Variants in PPP6R3 observed in about 807,000 individuals in gnomAD.
The protein encoded by PPP6R3 is protein phosphatase 6 regulatory subunit 3, also known as serine/threonine-protein phosphatase 6 regulatory subunit 3.
In PPP6R3, 38 loss-of-function variants were observed where a neutral mutation model predicts 110.7. The ratio of observed to expected loss-of-function variants is 0.34; its 90% CI spans 0.26 to 0.45. The LOEUF (loss-of-function observed/expected upper bound fraction) is 0.45, where lower values mean the gene tolerates loss of function less well. PPP6R3 is among the 20% of genes least tolerant of loss of function. PPP6R3 has a pLI of 1.00. For synonymous variants in PPP6R3, 369 were observed against 373.5 expected (o/e 0.99, Z 0.14); for missense variants, 870 against 1,062.4 (o/e 0.82, Z 2.52).
intron 1 of PPP6R3, among the ~76,000 whole-genome samples, chr11:68,470,052 G>C (rs1273863614): frequency 6.6e-6 from 1 of 152,160 alleles, no homozygotes; most frequent in African/African-American, 2.4e-5. Flanking sequence ...AGATGTTTGA[G>C]TACTTACCAT....
intron 1 of PPP6R3, among the ~76,000 whole-genome samples, chr11:68,493,768 A>G (rs1026707096): frequency 3.3e-5 from 5 of 151,662 alleles, no homozygotes; most frequent in African/African-American, 1.2e-4. Context: ...AGGTACTGTT[A>G]TTTTTATTAA....
In PPP6R3 at chr11:68,528,310, CCTT is replaced by C. The variant is rs542382852; in HGVS notation, c.-7+8663_-7+8665del. Among the ~76,000 whole-genome samples, 585 of 152,028 alleles carry C rather than the reference CCTT, an allele frequency of 3.8e-3. 4 individuals are homozygous for C. The highest frequency in any genetic ancestry group is 0.011 in the African/African-American group (458 of 41,448). On this transcript the variant is annotated intron_variant, in intron 2 of 23. Transcript: ENST00000393800. The stretch of plus-strand genomic sequence containing the variant: ...GGTAGAAAGCTGATTGCTTTTGACA[CCTT>C]CTTTGGAAGAAGCAGTTGCAGAGAT...
At chr11:68,527,816 C>A (rs912363896) in intron 2 of PPP6R3, among the ~76,000 whole-genome samples, 1 of 152,212 alleles carries the variant, frequency 6.6e-6, no homozygotes, top group Non-Finnish European at 1.5e-5. Context: ...AAGGCTCCTC[C>A]TTCCTGTTGT....
chr11:68,588,802 A>G (rs140008519), intron 16 of PPP6R3, among the ~76,000 whole-genome samples: 2 of 152,024 alleles, frequency 1.3e-5, no homozygotes, highest in East Asian at 3.9e-4. Context: ...GCATTCACCT[A>G]TAGGGTTTGA....
intron 19 of PPP6R3, among the ~76,000 whole-genome samples, chr11:68,597,200 C>T (rs2099616356): frequency 6.6e-6 from 1 of 152,116 alleles, no homozygotes; most frequent in Non-Finnish European, 1.5e-5. Flanking sequence ...ATGGGCAGTG[C>T]AGGGGAATGG....
At chr11:68,477,742 AT>A (rs1284612653) in intron 1 of PPP6R3, among the ~76,000 whole-genome samples, 3,563 of 49,432 alleles carry the variant, frequency 0.072, 57 homozygotes, top group South Asian at 0.1. Flanking sequence ...AAAAAAAAAA[AT>A]ATATATATAT....
Position 68,575,969 on chromosome 11 carries a change from G to C in PPP6R3, c.1471G>C (p.Glu491Gln). The C allele has an allele frequency of 6.2e-7, 1 of 1,610,064 alleles. No individual in the cohort carries two copies. The highest frequency in any genetic ancestry group is 8.5e-7 in the Non-Finnish European group (1 of 1,177,140). ...TTCTCACTCTGAAGATCTTCCCGAC[G>C]AAGTCAGGGAACGATGGGAGACGTT... ...VQQLIKDLPD[E>Q]VRERWETFCT... The change falls in exon 14 of 24, where the codon GAA becomes CAA. Residue 491 changes from glutamate (E) to glutamine (Q), a missense_variant. By Grantham distance (29) the Glu-to-Gln change is conservative. Coordinates refer to ENST00000393800, the MANE Select transcript of PPP6R3 (RefSeq NM_001164161.2).
At chr11:68,547,976 G>T in intron 4 of PPP6R3, 91 bp from the exon 5 acceptor site, 1 of 1,308,010 alleles carries the variant, frequency 7.6e-7, no homozygotes, top group Non-Finnish European at 1.0e-6. Flanking sequence ...AGTAGTGGTA[G>T]AATTTGGAGG....
Position 68,473,825 on chromosome 11 carries a change from C to T in PPP6R3, c.-158+12998C>T, listed in dbSNP as rs535465188. Among the ~76,000 whole-genome samples the T allele has an allele frequency of 1.6e-3, 237 of 151,784 alleles. 1 individual carries two copies. The highest frequency in any genetic ancestry group is 5.6e-3 in the African/African-American group (231 of 41,080). On this transcript the variant is annotated intron_variant, in intron 1 of 23. Coordinates refer to ENST00000393800, the MANE Select transcript of PPP6R3 (RefSeq NM_001164161.2). ...TTTTTGTCTCTTTATTACTGGATTT[C>T]TACTTTTTGGCTGTTGTGAGTAATA...
At chr11:68,516,230 T>G (rs1565544747) in intron 1 of PPP6R3, among the ~76,000 whole-genome samples, 1 of 152,188 alleles carries the variant, frequency 6.6e-6, no homozygotes, top group Non-Finnish European at 1.5e-5. Flanking sequence ...TAATTGGAAA[T>G]TTCGAAATGC....
intron 22 of PPP6R3, among the ~76,000 whole-genome samples, chr11:68,604,710 A>G (rs1002349262): frequency 1.3e-5 from 2 of 152,228 alleles, no homozygotes; most frequent in South Asian, 4.1e-4. Context: ...TCAATATAAG[A>G]TATTCCAAAT....
chr11:68,573,999 C>T, intron 12 of PPP6R3, 110 bp from the exon 13 acceptor site: 2 of 709,780 alleles, frequency 2.8e-6, no homozygotes, highest in South Asian at 1.8e-5. Flanking sequence ...TCATTTTCTT[C>T]AGTGCCTTCA....
chr11:68,511,191 C>G (rs930351475), intron 1 of PPP6R3, among the ~76,000 whole-genome samples: 1 of 151,618 alleles, frequency 6.6e-6, no homozygotes, highest in Non-Finnish European at 1.5e-5. Context: ...CCTTAGCCTC[C>G]TGAGTAGCTG....
chr11:68,606,840 A>T lies in PPP6R3; in HGVS notation c.2451-3064A>T, dbSNP rs906480760. Among the ~76,000 whole-genome samples the T allele has an allele frequency of 2.0e-5, 3 of 152,224 alleles. No individual in the cohort carries two copies. The South Asian group carries it at 6.2e-4, about 32-fold the overall frequency. On this transcript the variant is annotated intron_variant, in intron 22 of 23. Coordinates refer to ENST00000393800, the MANE Select transcript of PPP6R3 (RefSeq NM_001164161.2). The stretch of plus-strand genomic sequence containing the variant: ...CTGTTGTTCTTTGCAGGTGGTAATG[A>T]TTACCTACAACCAAGTCAGTAGCAA...
intron 20 of PPP6R3, 94 bp from the exon 21 acceptor site, chr11:68,601,768 TA>T: frequency 1.0e-6 from 1 of 1,003,570 alleles, no homozygotes; most frequent in South Asian, 1.5e-5. Context: ...TAATGTCTCC[TA>T]ACAAAAACTT....
In PPP6R3 at chr11:68,609,992, C is replaced by T. The variant is rs950615275; in HGVS notation, c.2539C>T (p.Pro847Ser). The T allele has an allele frequency of 2.5e-6, 4 of 1,614,006 alleles. No homozygotes were observed. Among genetic ancestry groups the T allele is most frequent in the Non-Finnish European group, 1.7e-6 (2 of 1,180,036 alleles). Residue 847 changes from proline (P) to serine (S), a missense_variant, in exon 23 of 24, where the codon CCC (proline) becomes TCC (serine). Transcript: ENST00000393800. ...GACTGCAGAGGCGAAGTGCGCGGCG[C>T]CCAGGCCTCCCAGCAGCAGTCCCGA... ...PETAEAKCAA[P>S]RPPSSSPEQR...
intron 14 of PPP6R3, among the ~76,000 whole-genome samples, chr11:68,580,401 G>C (rs1250104054): frequency 6.6e-6 from 1 of 152,206 alleles, no homozygotes; most frequent in East Asian, 1.9e-4. Flanking sequence ...GGTGGGGCAA[G>C]AGCTAGGAGG....
chr11:68,550,898 A>G, intron 5 of PPP6R3: 1 of 453,042 alleles, frequency 2.2e-6, no homozygotes, highest in South Asian at 4.0e-5. Flanking sequence ...GTGTGTGGGT[A>G]TTGTAATTTG....
intron 1 of PPP6R3, among the ~76,000 whole-genome samples, chr11:68,489,626 G>C (rs573369840): frequency 4.6e-4 from 69 of 151,350 alleles, no homozygotes; most frequent in Non-Finnish European, 9.7e-4. Context: ...ATTTGCCAGG[G>C]TATCAGCGCC....
Sources: allele counts gnomAD v4.1 joint callset (sites outside exome capture counted in the v4.1 genomes callset), GRCh38; gene constraint gnomAD v4.1.1; transcripts MANE v1.5; gene names NCBI Gene and HGNC (gene_info 2026-07-23, HGNC 2026-07-21).